Variants in RANBP2 observed in about 807,000 individuals in gnomAD.
RANBP2 encodes E3 SUMO-protein ligase RanBP2.
In RANBP2, 57 loss-of-function variants were observed where a neutral mutation model predicts 303.6. The observed-to-expected ratio is 0.19, with a 90% confidence interval of 0.15 to 0.23. RANBP2 has a LOEUF of 0.23. Among genes scored for constraint, RANBP2 ranks in the 10% least tolerant of loss-of-function variants. The pLI, the probability that RANBP2 is intolerant of heterozygous loss-of-function variation, is 1.00. For synonymous variants in RANBP2, 1,167 were observed against 1,301.5 expected, an observed-to-expected ratio of 0.90 and a Z score of 2.23; for missense variants, 3,138 against 3,780.8, an observed-to-expected ratio of 0.83 and a Z score of 4.46.
At chr2:109,047,462 C>T in the RANBP2 span, among the ~76,000 whole-genome samples, 101 of 152,268 alleles carry the variant, frequency 6.6e-4, 1 homozygote, top group African/African-American at 2.1e-3. Context: ...TTATTGCCCC[C>T]GGATTACAAG....
At chr2:109,161,952 G>A in the RANBP2 span, among the ~76,000 whole-genome samples, 1 of 152,068 alleles carries the variant, frequency 6.6e-6, no homozygotes, top group Admixed American at 6.6e-5. Context: ...AGGGTTGGGG[G>A]CTGTGTATCT....
At chr2:109,130,084 G>T in the RANBP2 span, 68 of 1,364,572 alleles carry the variant, frequency 5.0e-5, no homozygotes, top group Admixed American at 1.4e-4. Flanking sequence ...GCGGGAGCTG[G>T]CGACCAGCAG....
the RANBP2 span, among the ~76,000 whole-genome samples, chr2:108,959,589 G>C: frequency 6.6e-6 from 1 of 152,162 alleles, no homozygotes; most frequent in Non-Finnish European, 1.5e-5. Context: ...GGGCTGAGGG[G>C]AGCTGGGGCC....
At chr2:109,716,427 T>C in the RANBP2 span, among the ~76,000 whole-genome samples, 2 of 151,954 alleles carry the variant, frequency 1.3e-5, no homozygotes, top group East Asian at 1.9e-4. Flanking sequence ...AATTTTTGTA[T>C]ATTTAGTAGA....
At chr2:108,731,256 T>C in intron 3 of RANBP2, 66 bp from the exon 4 acceptor site, 2 of 1,568,868 alleles carry the variant, frequency 1.3e-6, no homozygotes, top group Non-Finnish European at 1.7e-6. Flanking sequence ...TATATATAAG[T>C]ATATATACTC....
At chr2:109,673,953 G>C in the RANBP2 span, among the ~76,000 whole-genome samples, 6 of 152,046 alleles carry the variant, frequency 3.9e-5, no homozygotes, top group African/African-American at 1.4e-4. Context: ...TTTTTCTGAA[G>C]ACTAATGAGG....
Position 108,775,739 on chromosome 2 carries a change from A to G in RANBP2, c.8300A>G (p.Gln2767Arg). 5.6e-6 allele frequency: 9 copies of G among 1,613,688 alleles called. No homozygotes were observed. Among genetic ancestry groups the G allele is most frequent in the Non-Finnish European group, 7.6e-6 (9 of 1,179,890 alleles). Residue 2767 changes from glutamine (Q) to arginine (R), a missense_variant, in exon 24 of 29, where the codon CAG (glutamine) becomes CGG (arginine). By Grantham distance (43) the Gln-to-Arg change is conservative. Coordinates refer to ENST00000283195, the MANE Select transcript of RANBP2 (RefSeq NM_006267.5). Reference sequence around the variant, plus strand: ...GTGACTTCCTCTTTGCAGAAATCTCAGACAGAAGAAATAACTAGCACAACT... The same window carrying G: ...GTGACTTCCTCTTTGCAGAAATCTCGGACAGAAGAAATAACTAGCACAACT... ...LQKVQEAQKS[Q>R]TEEITSTTDS... is the part of the protein sequence containing the mutation.
chr2:108,834,215 T>A, the RANBP2 span, among the ~76,000 whole-genome samples: 8 of 112,708 alleles, frequency 7.1e-5, no homozygotes, highest in East Asian at 1.1e-3. Context: ...ATCTTTGAAA[T>A]TTTTTTTTTT....
At chr2:109,404,371 C>T in the RANBP2 span, among the ~76,000 whole-genome samples, 2 of 152,126 alleles carry the variant, frequency 1.3e-5, no homozygotes, top group Admixed American at 6.5e-5. Flanking sequence ...AGTGGGGTGC[C>T]GATGCAGAAC....
the RANBP2 span, among the ~76,000 whole-genome samples, chr2:108,889,991 G>C: frequency 6.6e-6 from 1 of 152,002 alleles, no homozygotes; most frequent in African/African-American, 2.4e-5. Flanking sequence ...TTGCTTCCAG[G>C]CTTAAAATTC....
chr2:109,794,580 C>CGGGGCGGGGGGGGAGG, the RANBP2 span: 1 of 899,516 alleles, frequency 1.1e-6, no homozygotes, highest in African/African-American at 2.0e-5. Flanking sequence ...TCGACCCGGC[C>CGGGGCGGGGGGGGAGG]GGGGGGCGGC....
chr2:108,742,319 A>G (rs902176355), intron 7 of RANBP2, among the ~76,000 whole-genome samples: 1 of 144,892 alleles, frequency 6.9e-6, no homozygotes, highest in Non-Finnish European at 1.5e-5. Flanking sequence ...TTTTATTTTT[A>G]TTTGAGACGG....
the RANBP2 span, among the ~76,000 whole-genome samples, chr2:108,924,354 C>T: frequency 8.5e-5 from 13 of 152,228 alleles, no homozygotes; most frequent in African/African-American, 1.9e-4. Flanking sequence ...CCAGCTCGGG[C>T]GCCTTCCCTC....
At chr2:109,295,542 T>C in the RANBP2 span, among the ~76,000 whole-genome samples, 1 of 152,138 alleles carries the variant, frequency 6.6e-6, no homozygotes, top group African/African-American at 2.4e-5. Flanking sequence ...GGGGGCTTCA[T>C]GTTGAGAGAA....
At chr2:109,624,254 G>T in the RANBP2 span, among the ~76,000 whole-genome samples, 2 of 152,196 alleles carry the variant, frequency 1.3e-5, no homozygotes, top group Admixed American at 1.3e-4. Flanking sequence ...AGAGCGCTTT[G>T]AAAGCTAGCC....
At chr2:109,574,894 AT>A in the RANBP2 span, 205 of 551,092 alleles carry the variant, frequency 3.7e-4, 2 homozygotes, top group African/African-American at 3.6e-3. Flanking sequence ...TGCTGAACAG[AT>A]TAACTTTAGT....
chr2:109,766,327 G>A, the RANBP2 span, among the ~76,000 whole-genome samples: 4 of 150,852 alleles, frequency 2.7e-5, no homozygotes, highest in African/African-American at 9.7e-5. Context: ...CCGCTGTGGA[G>A]GAGCTCAGCC....
the RANBP2 span, among the ~76,000 whole-genome samples, chr2:109,193,209 G>A: frequency 6.6e-6 from 1 of 152,226 alleles, no homozygotes; most frequent in South Asian, 2.1e-4. Flanking sequence ...TGCCCTTCCT[G>A]GGAAGATCAG....
chr2:109,141,972 C>T, the RANBP2 span, among the ~76,000 whole-genome samples: 3 of 152,076 alleles, frequency 2.0e-5, no homozygotes, highest in Non-Finnish European at 4.4e-5. Flanking sequence ...ACTTCTGTGA[C>T]ACCTCCTCTG....
Sources: gnomAD v4.1 joint callset for allele counts (sites outside exome capture counted in the v4.1 genomes callset) on GRCh38, gnomAD v4.1.1 for gene constraint, MANE v1.5 for transcripts, NCBI Gene and HGNC (gene_info 2026-07-23, HGNC 2026-07-21) for gene names.